The following SLC38A6 variants were observed in gnomAD, a reference collection of about 807,000 sequenced individuals.
SLC38A6 encodes the protein N system amino acid transporter NAT-1.
In SLC38A6, 73 loss-of-function variants were observed where a neutral mutation model predicts 65.0. The observed-to-expected ratio is 1.12, with a 90% CI of 0.93 to 1.37. SLC38A6 has a LOEUF of 1.37. SLC38A6 is among the 40% of genes most tolerant of loss of function. The pLI is 0.00. For missense variants in SLC38A6, 561 were observed against 531.1 expected (o/e 1.06, Z -0.55); for synonymous variants, 183 against 178.8 (o/e 1.02, Z -0.19).
chr14:60,981,294 G>A lies in SLC38A6; in HGVS notation c.17G>A (p.Gly6Glu). 6.2e-7 allele frequency: 1 copy of A among 1,607,874 alleles called. No homozygotes were observed. MEASWGSFNAERGWYV... is the reference protein window; with the variant it reads MEASWESFNAERGWYV... ...GAGAGCAGCATGGAGGCGTCCTGGG[G>A]GAGCTTCAACGCTGAGCGGGGCTGG... The change falls in exon 1 of 16, where the codon GGG (glycine) becomes GAG (glutamate). Residue 6 changes from glycine to glutamate, a missense_variant. Physicochemically the swap from Gly to Glu is moderately conservative, Grantham distance 98. Transcript: ENST00000267488.
At chr14:61,032,317 T>A (rs1362733727) in intron 6 of SLC38A6, among the ~76,000 whole-genome samples, 4 of 151,852 alleles carry the variant, frequency 2.6e-5, no homozygotes, top group African/African-American at 9.7e-5. Context: ...ATGTAATATT[T>A]TAGAAATAAT....
At position 60,981,250 on chromosome 14, in the gene SLC38A6, T is replaced by A. The variant is rs765140355; in HGVS notation, c.-28T>A. The A allele has an allele frequency of 9.5e-6, 15 of 1,575,842 alleles. No homozygotes were observed. Among genetic ancestry groups the A allele is most frequent in the Non-Finnish European group, 1.2e-5 (14 of 1,160,610 alleles). On this transcript the variant is annotated 5_prime_UTR_variant, in exon 1 of 16. It removes an upstream start codon present in the reference 5' UTR. Transcript: ENST00000267488. ...CAGGGCAGGGGTAGAGGCTCGTAGA[T>A]GGAACTGGTAGTCAGCTGGAGAGCA...
chr14:61,050,330 G>A (rs879486062), intron 12 of SLC38A6, among the ~76,000 whole-genome samples, 182 bp from the exon 13 acceptor site: 8 of 152,050 alleles, frequency 5.3e-5, no homozygotes, highest in Non-Finnish European at 8.8e-5. Context: ...AAAGGAAAAA[G>A]GGTGTTAGGT....
intron 12 of SLC38A6, among the ~76,000 whole-genome samples, chr14:61,046,727 A>G (rs1006140930): frequency 6.6e-6 from 1 of 152,200 alleles, no homozygotes; most frequent in Admixed American, 6.5e-5. Context: ...TGCAACAAAA[A>G]TAAAATTGTG....
At chr14:60,984,829 A>G (rs367717694) in intron 3 of SLC38A6, 26 bp downstream of exon 3, 361 of 1,602,584 alleles carry the variant, frequency 2.3e-4, no homozygotes, top group Middle Eastern at 3.3e-4. Context: ...ATGCTGCTTC[A>G]TTTAATAAAG....
rs749860816 is a variant in SLC38A6, at chr14:60,981,687, TGTTA to T, written c.105+312_105+315del. ...GGCCCTAGGATTATGTACTCACTGCTGTTAGTTAGTATTTTTGTCACCTTATTTT... is the reference window on the plus strand; with the variant it reads ...GGCCCTAGGATTATGTACTCACTGCTGTTAGTATTTTTGTCACCTTATTTT... On this transcript the variant is annotated intron_variant, in intron 1 of 15. Coordinates refer to ENST00000267488, the MANE Select transcript of SLC38A6 (RefSeq NM_153811.3). The T allele has an allele frequency of 3.5e-4, 474 of 1,369,258 alleles. 1 individual carries two copies. Among genetic ancestry groups the T allele is most frequent in the South Asian group, 4.5e-4 (37 of 81,732 alleles). The allele number at this position is 1,369,258 out of a possible 1,614,324, so 84.8% of individuals were successfully genotyped here.
At chr14:61,006,329 A>G (rs372068348) in intron 3 of SLC38A6, among the ~76,000 whole-genome samples, 27 of 152,156 alleles carry the variant, frequency 1.8e-4, no homozygotes, top group East Asian at 5.8e-4. Flanking sequence ...TTGACAAATG[A>G]GATCTAATTA....
intron 8 of SLC38A6, among the ~76,000 whole-genome samples, chr14:61,038,304 AAAGAT>A (rs774966266): frequency 2.2e-4 from 33 of 152,006 alleles, no homozygotes; most frequent in Non-Finnish European, 4.1e-4. Context: ...AAAATAATAT[AAAGAT>A]AAGAATTTAA....
intron 4 of SLC38A6, among the ~76,000 whole-genome samples, chr14:61,016,453 A>T (rs1417101028): frequency 6.6e-6 from 1 of 152,192 alleles, no homozygotes; most frequent in Non-Finnish European, 1.5e-5. Context: ...CAGAGAAATT[A>T]AGGGACCTAT....
In SLC38A6 at chr14:60,984,508, A is replaced by AT. The variant is rs376647917; in HGVS notation, c.237-213dup. On this transcript the variant is annotated intron_variant, in intron 2 of 15. Coordinates refer to ENST00000267488, the MANE Select transcript of SLC38A6 (RefSeq NM_153811.3). ...GTATTTTTAAAAAAGTTTGGTTTTT[A>AT]TTTTTTTTTATTTTAAAATCAGTAT... is the stretch of plus-strand genomic sequence containing the variant. Among the ~76,000 whole-genome samples, 7 of 150,822 alleles carry AT rather than the reference A, an allele frequency of 4.6e-5. No homozygotes were observed. In the East Asian group the frequency reaches 1.2e-3, roughly 25 times the overall value.
intron 3 of SLC38A6, among the ~76,000 whole-genome samples, chr14:61,014,972 C>A (rs1363115042): frequency 1.3e-5 from 2 of 152,204 alleles, no homozygotes; most frequent in African/African-American, 4.8e-5. Flanking sequence ...CTATGCCCTG[C>A]CCCTAGAGGT....
intron 5 of SLC38A6, among the ~76,000 whole-genome samples, chr14:61,019,986 T>C (rs1479975060): frequency 1.3e-5 from 2 of 152,184 alleles, no homozygotes; most frequent in Non-Finnish European, 2.9e-5. Context: ...CAAGCAAGTA[T>C]GGACAACAGT....
intron 5 of SLC38A6, among the ~76,000 whole-genome samples, chr14:61,023,158 T>A (rs1232007162): frequency 6.6e-6 from 1 of 152,118 alleles, no homozygotes; most frequent in East Asian, 1.9e-4. Flanking sequence ...ACTATGTAAG[T>A]GATAAAAAAA....
intron 15 of SLC38A6, among the ~76,000 whole-genome samples, chr14:61,067,472 A>C (rs1281501413): frequency 1.3e-5 from 2 of 152,122 alleles, no homozygotes; most frequent in African/African-American, 2.4e-5. Flanking sequence ...ATTTATTTTC[A>C]CTACTGATGT....
rs1285852114 is a variant in SLC38A6 at position 60,991,749 on chromosome 14, C to T, written c.310+6946C>T. 2.6e-5 allele frequency among the ~76,000 whole-genome samples: 4 copies of T among 152,156 alleles called. No individual in the cohort carries two copies. In the East Asian group the frequency reaches 5.8e-4, roughly 22 times the overall value. ...TCTCATTTAAAATTACAAACAGCAACGGTTGATCTACAGTGTCATCAAGGA... is the reference window on the plus strand; with the variant it reads ...TCTCATTTAAAATTACAAACAGCAATGGTTGATCTACAGTGTCATCAAGGA... On this transcript the variant is annotated intron_variant, in intron 3 of 15. Coordinates refer to ENST00000267488, the MANE Select transcript of SLC38A6 (RefSeq NM_153811.3).
intron 3 of SLC38A6, among the ~76,000 whole-genome samples, chr14:61,010,566 G>A (rs190529949): frequency 2.6e-4 from 40 of 152,294 alleles, no homozygotes; most frequent in African/African-American, 7.2e-4. Flanking sequence ...TGTATAAAGC[G>A]TAAGGAAGGG....
Position 61,052,023 on chromosome 14 carries a change from T to C in SLC38A6, c.1196-18T>C, listed in dbSNP as rs370825948. On this transcript the variant is annotated intron_variant, in intron 14 of 15. Coordinates refer to ENST00000267488, the MANE Select transcript of SLC38A6 (RefSeq NM_153811.3). Reference sequence around the variant, plus strand: ...GAATCCAGCAATATCCTCTCTTTTTTTTCCCTCCACTTTAAAGGTGCCAGT... The same window carrying C: ...GAATCCAGCAATATCCTCTCTTTTTCTTCCCTCCACTTTAAAGGTGCCAGT... 6.1e-5 allele frequency: 98 copies of C among 1,600,242 alleles called. No individual in the cohort carries two copies. The highest frequency in any genetic ancestry group is 7.7e-5 in the Non-Finnish European group (91 of 1,174,300).
intron 12 of SLC38A6, among the ~76,000 whole-genome samples, chr14:61,048,712 G>T (rs1056112349): frequency 1.3e-5 from 2 of 152,084 alleles, no homozygotes; most frequent in Admixed American, 1.3e-4. Flanking sequence ...GGACTTATAG[G>T]TATGTACCTA....
intron 14 of SLC38A6, 24 bp from the exon 15 acceptor site, chr14:61,052,017 C>CT (rs758690704): frequency 8.8e-6 from 14 of 1,596,228 alleles, no homozygotes; most frequent in African/African-American, 5.4e-5. Flanking sequence ...AATATCCTCT[C>CT]TTTTTTTTCC....
Sources: allele counts gnomAD v4.1 joint callset (sites outside exome capture counted in the v4.1 genomes callset), GRCh38; gene constraint gnomAD v4.1.1; transcripts MANE v1.5; gene names NCBI Gene and HGNC (gene_info 2026-07-23, HGNC 2026-07-21).